The following MEGF11 variants were observed in gnomAD, a reference collection of about 807,000 sequenced individuals.
MEGF11 encodes multiple EGF like domains 11, also known as multiple epidermal growth factor-like domains protein 11.
MEGF11 carries 126 observed loss-of-function variants against 146.6 expected under a neutral mutation model. That is an observed-to-expected ratio of 0.86 (90% CI 0.74 to 1.00). The LOEUF (loss-of-function observed/expected upper bound fraction) is 1.00, where lower values mean the gene tolerates loss of function less well. MEGF11 is among the 50% of genes least tolerant of loss of function. The pLI, the probability that MEGF11 is intolerant of heterozygous loss-of-function variation, is 0.00. For synonymous variants in MEGF11, 532 were observed against 583.4 expected (o/e 0.91, Z 1.27); for missense variants, 1,509 against 1,521.2 (o/e 0.99, Z 0.13).
chr15:66,080,789 C>T (rs115996255), intron 5 of MEGF11, among the ~76,000 whole-genome samples: 105 of 152,364 alleles, frequency 6.9e-4, no homozygotes, highest in African/African-American at 2.3e-3. Context: ...GTCCCCGTCA[C>T]GGTGACTGTG....
At chr15:66,178,642 C>T (rs529613487) in intron 1 of MEGF11, among the ~76,000 whole-genome samples, 2 of 152,330 alleles carry the variant, frequency 1.3e-5, no homozygotes, top group South Asian at 2.1e-4. Flanking sequence ...CTCTCAGATG[C>T]TGACCCTGCA....
At chr15:65,932,931 A>G (rs897543062) in intron 10 of MEGF11, among the ~76,000 whole-genome samples, 26 of 152,138 alleles carry the variant, frequency 1.7e-4, no homozygotes, top group African/African-American at 5.8e-4. Flanking sequence ...CCAGATATGT[A>G]CTGCCCGTCT....
chr15:65,991,915 T>G (rs2082055537), intron 5 of MEGF11, among the ~76,000 whole-genome samples: 1 of 152,184 alleles, frequency 6.6e-6, no homozygotes. Context: ...CCTATCATGT[T>G]AGGGGCTCAG....
At chr15:66,144,299 T>C (rs979247379) in intron 1 of MEGF11, among the ~76,000 whole-genome samples, 2 of 152,066 alleles carry the variant, frequency 1.3e-5, no homozygotes, top group Non-Finnish European at 2.9e-5. Context: ...GCAGCCAAGA[T>C]GGAGAACCAC....
At chr15:66,157,842 T>C (rs1245982218) in intron 1 of MEGF11, among the ~76,000 whole-genome samples, 2 of 152,196 alleles carry the variant, frequency 1.3e-5, no homozygotes, top group African/African-American at 4.8e-5. Flanking sequence ...TTGGGCTGAT[T>C]TCTAAAGGGA....
chr15:66,118,796 C>G (rs192760495), intron 4 of MEGF11, among the ~76,000 whole-genome samples: 3 of 152,330 alleles, frequency 2.0e-5, no homozygotes, highest in African/African-American at 7.2e-5. Context: ...CTCAGAGTGC[C>G]CACTCCAGAA....
chr15:66,183,349 A>C lies in MEGF11; in HGVS notation c.-8-54938T>G, dbSNP rs547011118. 2.6e-4 allele frequency among the ~76,000 whole-genome samples: 40 copies of C among 152,146 alleles called. 2 individuals are homozygous for C. The South Asian group carries it at 7.9e-3, about 30-fold the overall frequency. On this transcript the variant is annotated intron_variant, in intron 1 of 25. Transcript: ENST00000395614. ...ACACTGTCTCCAGTAAAAATACAAA[A>C]ATTAGCCAAGAATGGTGGCTCACGG...
At chr15:65,912,263 G>T in intron 20 of MEGF11, 63 bp from the exon 21 acceptor site, 2 of 996,106 alleles carry the variant, frequency 2.0e-6, no homozygotes, top group Non-Finnish European at 2.6e-6. Flanking sequence ...GATACCCCCA[G>T]TACTAATGCT....
intron 1 of MEGF11, among the ~76,000 whole-genome samples, chr15:66,184,708 C>G (rs1008418651): frequency 2.0e-5 from 3 of 151,908 alleles, no homozygotes; most frequent in Non-Finnish European, 4.4e-5. Flanking sequence ...ACTCTCCACC[C>G]CTGCCTCGCT....
At chr15:66,243,752 T>C (rs2092253743) in intron 1 of MEGF11, among the ~76,000 whole-genome samples, 1 of 152,086 alleles carries the variant, frequency 6.6e-6, no homozygotes, top group African/African-American at 2.4e-5. Context: ...ACCAGGCAAG[T>C]CAGGCAGGGG....
chr15:65,923,669 A>G (rs2079257283), intron 13 of MEGF11, among the ~76,000 whole-genome samples: 2 of 152,236 alleles, frequency 1.3e-5, no homozygotes, highest in South Asian at 4.1e-4. Flanking sequence ...TCAGCTTTTA[A>G]AATGCTAGTT....
chr15:66,155,243 C>T (rs2089712976), intron 1 of MEGF11, among the ~76,000 whole-genome samples: 2 of 144,796 alleles, frequency 1.4e-5, no homozygotes, highest in Admixed American at 6.6e-5. Context: ...TTGGGAGACA[C>T]ACATGGTGAT....
At chr15:66,224,942 C>A (rs1370997591) in intron 1 of MEGF11, among the ~76,000 whole-genome samples, 1 of 152,050 alleles carries the variant, frequency 6.6e-6, no homozygotes, top group East Asian at 1.9e-4. Context: ...CTTTCCCCAA[C>A]CTTCTCTCCC....
intron 11 of MEGF11, among the ~76,000 whole-genome samples, 200 bp downstream of exon 11, chr15:65,930,623 A>G (rs530577694): frequency 2.6e-5 from 4 of 152,258 alleles, no homozygotes; most frequent in African/African-American, 9.6e-5. Flanking sequence ...CAACATTGCA[A>G]TGAATCCCCT....
chr15:66,076,363 T>A (rs1046429274), intron 5 of MEGF11, among the ~76,000 whole-genome samples: 66 of 139,096 alleles, frequency 4.7e-4, no homozygotes, highest in Non-Finnish European at 7.3e-4. Context: ...AAAAAAAAAA[T>A]ACCAAGTGGC....
chr15:65,981,739 AAGT>A (rs1212416607), intron 6 of MEGF11, among the ~76,000 whole-genome samples: 7 of 152,096 alleles, frequency 4.6e-5, no homozygotes, highest in African/African-American at 1.7e-4. Context: ...TGGGGAGAGA[AAGT>A]AGGGGAGAGG....
At chr15:65,898,967 A>ATTCTTGCT (rs1436346440) in intron 24 of MEGF11, 33 bp from the exon 25 acceptor site, 1 of 1,607,786 alleles carries the variant, frequency 6.2e-7, no homozygotes, top group Admixed American at 1.7e-5. Flanking sequence ...TAGGACAAGC[A>ATTCTTGCT]AGAATACAAG....
At chr15:66,203,656 C>T (rs918498416) in intron 1 of MEGF11, among the ~76,000 whole-genome samples, 1 of 152,162 alleles carries the variant, frequency 6.6e-6, no homozygotes, top group African/African-American at 2.4e-5. Flanking sequence ...TCCTTTCTAC[C>T]CTCTCCACCA....
chr15:65,916,896 G>C lies in MEGF11; in HGVS notation c.2147C>G (p.Ala716Gly), dbSNP rs373679622. 4.4e-6 allele frequency: 7 copies of C among 1,581,928 alleles called. No homozygotes were observed. In the African/African-American group the frequency reaches 9.4e-5, roughly 21 times the overall value. The change falls in exon 17 of 26, where the codon GCG becomes GGG. Residue 716 changes from alanine to glycine, a missense_variant. Physicochemically the swap from Ala to Gly is moderately conservative, Grantham distance 60. Transcript: ENST00000395614. ...CFHACSCHNGASCSAEDGACH... is the reference protein window; with the variant it reads ...CFHACSCHNGGSCSAEDGACH... ...GGCCCCGTCCTCGGCGCTGCAGCTCGCCCCGTTGTGGCAGCTGCATGCGTG... is the reference window on the plus strand; with the variant it reads ...GGCCCCGTCCTCGGCGCTGCAGCTCCCCCCGTTGTGGCAGCTGCATGCGTG...
Sources: allele counts gnomAD v4.1 joint callset (sites outside exome capture counted in the v4.1 genomes callset), GRCh38; gene constraint gnomAD v4.1.1; transcripts MANE v1.5; gene names NCBI Gene and HGNC (gene_info 2026-07-23, HGNC 2026-07-21).